The following SHISAL2B variants were observed in gnomAD, a reference collection of about 807,000 sequenced individuals.
The protein encoded by SHISAL2B is protein shisa-like-2B.
Under a neutral mutation model 16.5 loss-of-function variants are expected in SHISAL2B, and 12 were observed. The ratio of observed to expected loss-of-function variants is 0.73; its 90% confidence interval spans 0.47 to 1.18. SHISAL2B has a LOEUF of 1.18. SHISAL2B is among the 50% of genes most tolerant of loss of function. The probability of loss-of-function intolerance (pLI) is 0.00; values close to 1 mark genes in which losing one functional copy is unlikely to be tolerated. For missense variants in SHISAL2B, 183 were observed against 193.6 expected, an observed-to-expected ratio of 0.95 and a Z score of 0.33; for synonymous variants, 72 against 75.0, an observed-to-expected ratio of 0.96 and a Z score of 0.21.
intron 2 of SHISAL2B, among the ~76,000 whole-genome samples, chr5:64,715,457 G>A (rs971288110): frequency 6.6e-6 from 1 of 152,032 alleles, no homozygotes; most frequent in Non-Finnish European, 1.5e-5. Flanking sequence ...TCAAGCAAAG[G>A]AGGCTGGAGA....
intron 2 of SHISAL2B, among the ~76,000 whole-genome samples, chr5:64,707,910 A>T (rs1186075045): frequency 6.6e-6 from 1 of 152,136 alleles, no homozygotes; most frequent in Admixed American, 6.5e-5. Flanking sequence ...CTGTATTCTA[A>T]TGTCACAATT....
At chr5:64,705,083 C>A (rs1346348116) in intron 2 of SHISAL2B, among the ~76,000 whole-genome samples, 1 of 152,170 alleles carries the variant, frequency 6.6e-6, no homozygotes, top group Admixed American at 6.6e-5. Context: ...AATCTTTGTA[C>A]TTAACACTGG....
At chr5:64,714,398 C>G (rs1471890725) in intron 2 of SHISAL2B, among the ~76,000 whole-genome samples, 2 of 148,430 alleles carry the variant, frequency 1.3e-5, no homozygotes, top group Admixed American at 1.3e-4. Context: ...TCTGCCTGTT[C>G]TCAGATCTCC....
intron 2 of SHISAL2B, among the ~76,000 whole-genome samples, chr5:64,714,913 T>C (rs275817): frequency 0.63 from 94,992 of 151,818 alleles, 31,566 homozygotes; most frequent in African/African-American, 0.87. Flanking sequence ...GCACGGTGCG[T>C]GCACCCACTG....
At chr5:64,696,830 G>T (rs189340194) in intron 2 of SHISAL2B, among the ~76,000 whole-genome samples, 2 of 152,222 alleles carry the variant, frequency 1.3e-5, no homozygotes, top group East Asian at 3.9e-4. Context: ...TTTTGATTTC[G>T]CCCTTTGCCT....
intron 1 of SHISAL2B, chr5:64,691,542 C>G (rs1741651503): frequency 6.6e-6 from 1 of 151,932 alleles, no homozygotes; most frequent in Non-Finnish European, 1.5e-5. Context: ...CTCTGTAGAA[C>G]AGGACACCCC....
At chr5:64,695,452 T>C in intron 1 of SHISAL2B, 55 bp from the exon 2 acceptor site, 1 of 1,273,688 alleles carries the variant, frequency 7.9e-7, no homozygotes, top group Non-Finnish European at 1.1e-6. Context: ...TTCTCTTTAG[T>C]TGAACCAGTG....
intron 2 of SHISAL2B, among the ~76,000 whole-genome samples, chr5:64,714,933 C>G (rs1742023247): frequency 6.6e-6 from 1 of 152,148 alleles, no homozygotes; most frequent in African/African-American, 2.4e-5. Flanking sequence ...GGCCTGCGCC[C>G]ACTGTCTGGC....
chr5:64,700,964 G>A (rs1160191167), intron 2 of SHISAL2B, among the ~76,000 whole-genome samples: 3 of 152,184 alleles, frequency 2.0e-5, no homozygotes, highest in African/African-American at 7.2e-5. Flanking sequence ...TGGAGCGGAA[G>A]CAGTAATGCT....
chr5:64,701,951 A>G (rs1322964680), intron 2 of SHISAL2B, among the ~76,000 whole-genome samples: 3 of 152,204 alleles, frequency 2.0e-5, no homozygotes, highest in East Asian at 3.8e-4. Flanking sequence ...TCAGTTCATT[A>G]TAGGAAAATT....
chr5:64,715,343 G>T (rs1193117509), intron 2 of SHISAL2B, among the ~76,000 whole-genome samples: 1 of 151,968 alleles, frequency 6.6e-6, no homozygotes, highest in Non-Finnish European at 1.5e-5. Context: ...ATGGTGAAAA[G>T]AAGAGGATGT....
Position 64,715,059 on chromosome 5 carries a change from TC to T in SHISAL2B, c.350-2824del, listed in dbSNP as rs1561378701. 4.6e-5 allele frequency among the ~76,000 whole-genome samples: 7 copies of T among 151,982 alleles called. No individual in the cohort carries two copies. The South Asian group carries it at 1.0e-3, about 23-fold the overall frequency. On this transcript the variant is annotated intron_variant, in intron 2 of 2. Coordinates refer to ENST00000389074, the MANE Select transcript of SHISAL2B (RefSeq NM_001164442.2). ...GCTGTTACTATTCGGCCATCTTGGC[TC>T]CCCCCACCGACATCTTTCAAAACTT...
chr5:64,709,866 G>A (rs983308875), intron 2 of SHISAL2B, among the ~76,000 whole-genome samples: 1,724 of 150,548 alleles, frequency 0.011, 30 homozygotes, highest in African/African-American at 0.04. Flanking sequence ...CATGTCCTTC[G>A]CCCACTTTTT....
intron 2 of SHISAL2B, among the ~76,000 whole-genome samples, chr5:64,707,889 A>C (rs1461078059): frequency 3.3e-5 from 5 of 152,188 alleles, no homozygotes; most frequent in African/African-American, 1.2e-4. Flanking sequence ...GAGAGTCCTG[A>C]AAGTTTTTTC....
intron 2 of SHISAL2B, among the ~76,000 whole-genome samples, chr5:64,714,473 G>C (rs1476189863): frequency 6.6e-6 from 1 of 150,432 alleles, no homozygotes; most frequent in Non-Finnish European, 1.5e-5. Context: ...TAAGTCTGCA[G>C]AGGTTACTAC....
At position 64,690,771 on chromosome 5, in the gene SHISAL2B, G is replaced by A; in HGVS notation, c.148G>A (p.Gly50Ser). The change falls in exon 1 of 3, where the codon GGC (glycine) becomes AGC (serine). Residue 50 changes from glycine (G) to serine (S), a missense_variant. Gly to Ser is a moderately conservative substitution (Grantham distance 56, BLOSUM62 0). Transcript: ENST00000389074. ...ADLKYCCSEP[G>S]SYFPYKHSYM... ...CCTCAAGTACTGCTGCAGCGAGCCG[G>A]GCAGCTACTTCCCCTACAAGCACAG... 1 of 1,544,962 alleles carries A rather than the reference G, an allele frequency of 6.5e-7. No individual in the cohort carries two copies. Among genetic ancestry groups the A allele is most frequent in the Non-Finnish European group, 8.7e-7 (1 of 1,152,236 alleles).
At chr5:64,696,865 C>T (rs1031843988) in intron 2 of SHISAL2B, among the ~76,000 whole-genome samples, 2 of 152,184 alleles carry the variant, frequency 1.3e-5, no homozygotes, top group African/African-American at 4.8e-5. Context: ...TGCTCTTTGC[C>T]TTATGATCTT....
intron 1 of SHISAL2B, among the ~76,000 whole-genome samples, chr5:64,695,037 G>A (rs1269199862): frequency 6.6e-6 from 1 of 152,146 alleles, no homozygotes; most frequent in African/African-American, 2.4e-5. Flanking sequence ...GGCCGAGGCG[G>A]GTGGATCGCC....
chr5:64,699,434 T>C (rs913863621), intron 2 of SHISAL2B, among the ~76,000 whole-genome samples: 4 of 152,242 alleles, frequency 2.6e-5, no homozygotes, highest in Non-Finnish European at 4.4e-5. Context: ...ATATGCATGT[T>C]CCGTTCCAAT....
Sources: allele counts gnomAD v4.1 joint callset (sites outside exome capture counted in the v4.1 genomes callset), GRCh38; gene constraint gnomAD v4.1.1; transcripts MANE v1.5; gene names NCBI Gene and HGNC (gene_info 2026-07-23, HGNC 2026-07-21).